MGAM: variants seen among roughly 807,000 people sequenced by gnomAD.
The protein encoded by MGAM is alpha-1,4-glucosidase.
MGAM carries 253 observed loss-of-function variants against 358.8 expected under a neutral mutation model. That is an observed-to-expected ratio of 0.71 (90% CI 0.64 to 0.78). The LOEUF (loss-of-function observed/expected upper bound fraction) is 0.78. Among genes scored for constraint, MGAM ranks in the 30% least tolerant of loss-of-function variants. The probability of loss-of-function intolerance (pLI) is 0.00; values close to 1 mark genes in which losing one functional copy is unlikely to be tolerated. For missense variants in MGAM, 3,080 were observed against 3,432.6 expected (o/e 0.90, Z 2.57); for synonymous variants, 1,105 against 1,227.1 (o/e 0.90, Z 2.08).
chr7:142,043,125 A>G (rs1175217394), intron 21 of MGAM, among the ~76,000 whole-genome samples: 386 of 13,352 alleles, frequency 0.029, no homozygotes, highest in Admixed American at 0.042. Context: ...AATATAATAT[A>G]TATATTATAT....
At position 142,067,214 on chromosome 7, in the gene MGAM, G is replaced by C; in HGVS notation, c.4920-127G>C. The C allele has an allele frequency of 4.3e-6, 4 of 921,080 alleles. 1 individual carries two copies. Among genetic ancestry groups the C allele is most frequent in the Non-Finnish European group, 6.8e-6 (4 of 583,982 alleles). 57.1% of individuals were successfully genotyped at this position (921,080 alleles called of 1,614,324 possible). ...GGTGCTCCTGATGAAGCTAGGCCTAGGAACAAAGCAAGGATGGCTCAGGGG... is the reference window on the plus strand; with the variant it reads ...GGTGCTCCTGATGAAGCTAGGCCTACGAACAAAGCAAGGATGGCTCAGGGG... On this transcript the variant is annotated intron_variant, in intron 41 of 70. Coordinates refer to ENST00000475668, the MANE Select transcript of MGAM (RefSeq NM_001365693.1).
At chr7:142,015,708 C>A (rs931578202) in intron 3 of MGAM, among the ~76,000 whole-genome samples, 12 of 152,056 alleles carry the variant, frequency 7.9e-5, no homozygotes, top group Non-Finnish European at 1.6e-4. Flanking sequence ...TATAAGCAAT[C>A]ATAGTGATGG....
At chr7:142,005,468 A>G (rs1805075186) in intron 1 of MGAM, 61 bp from the exon 2 acceptor site, 1 of 1,229,920 alleles carries the variant, frequency 8.1e-7, no homozygotes, top group Non-Finnish European at 1.1e-6. Context: ...TCCATTAAAA[A>G]TCTTACTAGT....
chr7:142,070,835 C>A (rs1813281818), intron 43 of MGAM, among the ~76,000 whole-genome samples, 159 bp from the exon 44 acceptor site: 1 of 146,268 alleles, frequency 6.8e-6, no homozygotes, highest in African/African-American at 2.4e-5. Flanking sequence ...AGGTTTTATG[C>A]AGCACTGTGC....
In MGAM at chr7:142,018,086, T is replaced by C. The variant is rs545557051; in HGVS notation, c.328-1113T>C. ...ATTATTCCAAAATTTAATGGCCTAA[T>C]ATGACAAATATTTTCTCACAGCTTC... On this transcript the variant is annotated intron_variant, in intron 3 of 70. Transcript: ENST00000475668. Among the ~76,000 whole-genome samples the C allele has an allele frequency of 1.4e-3, 207 of 152,350 alleles. 1 individual carries two copies. The highest frequency in any genetic ancestry group is 6.8e-4 in the Non-Finnish European group (46 of 68,028).
intron 54 of MGAM, 81 bp downstream of exon 54, chr7:142,084,725 GA>G: frequency 6.8e-7 from 1 of 1,473,114 alleles, no homozygotes; most frequent in Non-Finnish European, 9.3e-7. Flanking sequence ...TAATGTTTGT[GA>G]GATTCTATAA....
chr7:142,002,707 A>G (rs563990699), intron 1 of MGAM, among the ~76,000 whole-genome samples: 70 of 152,250 alleles, frequency 4.6e-4, no homozygotes, highest in African/African-American at 1.6e-3. Flanking sequence ...CTCATATTCA[A>G]TATAGTACTG....
At chr7:142,069,721 T>A (rs1813172125) in intron 43 of MGAM, among the ~76,000 whole-genome samples, 2 of 145,726 alleles carry the variant, frequency 1.4e-5, no homozygotes, top group Admixed American at 1.4e-4. Flanking sequence ...TGGTAACATG[T>A]TAAGGCTCTG....
intron 3 of MGAM, among the ~76,000 whole-genome samples, chr7:142,009,296 G>T (rs1554453629): frequency 6.6e-6 from 1 of 152,166 alleles, no homozygotes; most frequent in Non-Finnish European, 1.5e-5. Flanking sequence ...ATCGGCTGAA[G>T]TCCACCTGAT....
intron 10 of MGAM, 185 bp from the exon 11 acceptor site, chr7:142,030,177 C>T: frequency 1.6e-6 from 1 of 643,176 alleles, no homozygotes; most frequent in Non-Finnish European, 2.5e-6. Flanking sequence ...CCTAGGGAAC[C>T]AACCAGTCGT....
intron 21 of MGAM, among the ~76,000 whole-genome samples, chr7:142,043,972 G>A (rs1412414612): frequency 3.5e-5 from 4 of 115,032 alleles, no homozygotes; most frequent in East Asian, 2.4e-4. Context: ...ATACACATAC[G>A]ACGTATAATA....
In MGAM at chr7:142,056,863, A is replaced by G. The variant is rs1269255447; in HGVS notation, c.3614A>G (p.Tyr1205Cys). The change falls in exon 30 of 71, where the codon TAC becomes TGC. Residue 1205 changes from tyrosine (Y) to cysteine (C), a missense_variant. Transcript: ENST00000475668. ...VTFQPLPALT[Y>C]RTTGGVLDFY... Reference sequence around the variant, plus strand: ...TTCCAGCCCCTGCCTGCCTTGACATACCGCACCACAGGGGGAGTTCTGGAC... The same window carrying G: ...TTCCAGCCCCTGCCTGCCTTGACATGCCGCACCACAGGGGGAGTTCTGGAC... The G allele has an allele frequency of 6.2e-7, 1 of 1,613,790 alleles. No individual in the cohort carries two copies. The highest frequency in any genetic ancestry group is 8.5e-7 in the Non-Finnish European group (1 of 1,179,824).
chr7:142,058,078 T>C, intron 30 of MGAM, 125 bp from the exon 31 acceptor site: 1 of 1,452,732 alleles, frequency 6.9e-7, no homozygotes, highest in Non-Finnish European at 9.4e-7. Context: ...CCTGTCAGTT[T>C]TGGTCTGGAT....
intron 16 of MGAM, among the ~76,000 whole-genome samples, chr7:142,035,602 C>T (rs576271284): frequency 1.3e-5 from 2 of 152,164 alleles, no homozygotes; most frequent in South Asian, 2.1e-4. Context: ...TTCATTTTAA[C>T]ACTGAGAAAT....
At chr7:142,102,221 A>T (rs1253877656) in intron 68 of MGAM, among the ~76,000 whole-genome samples, 1 of 152,136 alleles carries the variant, frequency 6.6e-6, no homozygotes, top group Non-Finnish European at 1.5e-5. Context: ...TTGCATATGT[A>T]TATGCATATA....
rs765508348 is a variant in MGAM, at chr7:142,066,691, G to A, written c.4889G>A (p.Gly1630Asp). 2 of 1,556,048 alleles carry A rather than the reference G, an allele frequency of 1.3e-6. No individual in the cohort carries two copies. Among genetic ancestry groups the A allele is most frequent in the Non-Finnish European group, 1.8e-6 (2 of 1,132,630 alleles). Residue 1630 changes from glycine to aspartate, a missense_variant, in exon 41 of 71, where the codon GGC becomes GAC. Physicochemically the swap from Gly to Asp is moderately conservative, Grantham distance 94. Around this residue, in one of 5 missense-constraint regions of MGAM, gnomAD observed 134 missense variants for 198.4 expected, o/e 0.68. Coordinates refer to ENST00000475668, the MANE Select transcript of MGAM (RefSeq NM_001365693.1). ...YTLMQKAHTE[G>D]VTVVRPLLHE... ...TTGATGCAAAAGGCCCACACGGAGG[G>A]CGTCACTGTTGTGCGGCCTCTGCTC...
In MGAM at chr7:142,087,101, G is replaced by T. The variant is rs1435347281; in HGVS notation, c.6810+384G>T. Among the ~76,000 whole-genome samples the T allele has an allele frequency of 1.4e-4, 20 of 141,834 alleles. 1 individual carries two copies. The highest frequency in any genetic ancestry group is 4.4e-4 in the African/African-American group (18 of 40,548). The allele number at this position is 141,834 out of a possible 152,430, so 93.0% of individuals were successfully genotyped here. On this transcript the variant is annotated intron_variant, in intron 57 of 70. Coordinates refer to ENST00000475668, the MANE Select transcript of MGAM (RefSeq NM_001365693.1). ...GGTATACTTAACTGTTGTTGCCTTG[G>T]TTATCCCTTTTAAACAGTCTTCTAA... is the stretch of plus-strand genomic sequence containing the variant.
intron 3 of MGAM, among the ~76,000 whole-genome samples, chr7:142,010,965 C>T (rs1305975602): frequency 1.3e-5 from 2 of 152,162 alleles, no homozygotes; most frequent in African/African-American, 2.4e-5. Context: ...TCATCAAATT[C>T]CAGATATCCA....
At chr7:142,056,512 A>G (rs2129035946) in intron 29 of MGAM, among the ~76,000 whole-genome samples, 1 of 152,318 alleles carries the variant, frequency 6.6e-6, no homozygotes, top group African/African-American at 2.4e-5. Context: ...CCTAAACCTC[A>G]GCATCATGCA....
Sources: gnomAD v4.1 joint callset for allele counts (sites outside exome capture counted in the v4.1 genomes callset) on GRCh38, gnomAD v4.1.1 for gene constraint, gnomAD v4.1.1 regional missense constraint, MANE v1.5 for transcripts, NCBI Gene and HGNC (gene_info 2026-07-23, HGNC 2026-07-21) for gene names.